The following CPM variants were observed in gnomAD, a reference collection of about 807,000 sequenced individuals.
The protein encoded by CPM is carboxypeptidase M.
Under a neutral mutation model 46.4 loss-of-function variants are expected in CPM, and 35 were observed. The ratio of observed to expected loss-of-function variants is 0.75; its 90% CI spans 0.58 to 1.00. The LOEUF is 1.00. Ranked by LOEUF, CPM falls within the 50% of genes least tolerant of loss-of-function variation. The probability of loss-of-function intolerance (pLI) is 0.00; values close to 1 mark genes in which losing one functional copy is unlikely to be tolerated. For synonymous variants in CPM, 195 were observed against 195.3 expected (o/e 1.00, Z 0.01); for missense variants, 422 against 530.4 (o/e 0.80, Z 2.01).
chr12:68,857,207 C>G (rs780403573), intron 8 of CPM, among the ~76,000 whole-genome samples: 2 of 151,106 alleles, frequency 1.3e-5, no homozygotes, highest in Non-Finnish European at 2.9e-5. Context: ...GTCACCCAGC[C>G]TGGAGTACAG....
Position 68,869,357 on chromosome 12 carries a change from A to G in CPM, c.755T>C (p.Val252Ala). Reference protein sequence around the residue: ...CKNKMNFPNGVTNGYSWYPLQ... With the variant: ...CKNKMNFPNGATNGYSWYPLQ... ...TGGATACCAAGAGTATCCATTTGTAACACCATTAGGAAAGTTCATTTTGTT... is the reference window on the plus strand; with the variant it reads ...TGGATACCAAGAGTATCCATTTGTAGCACCATTAGGAAAGTTCATTTTGTT... Residue 252 changes from valine (V) to alanine (A), a missense_variant, in exon 6 of 9, where the codon GTT (valine) becomes GCT (alanine). Transcript: ENST00000551568. The G allele has an allele frequency of 6.2e-7, 1 of 1,613,740 alleles. No homozygotes were observed. The highest frequency in any genetic ancestry group is 8.5e-7 in the Non-Finnish European group (1 of 1,179,926).
chr12:68,870,386 G>A lies in CPM; in HGVS notation c.445C>T (p.Gln149Ter). 6.2e-7 allele frequency: 1 copy of A among 1,613,602 alleles called. No individual in the cohort carries two copies. Among genetic ancestry groups the A allele is most frequent in the Non-Finnish European group, 8.5e-7 (1 of 1,179,750 alleles). The change falls in exon 5 of 9, where the codon CAG (glutamine) becomes TAG (stop). Residue 149 changes from glutamine to a stop codon, truncating the protein, a stop_gained. Coordinates refer to ENST00000551568, the MANE Select transcript of CPM (RefSeq NM_198320.5). LOFTEE classifies it high-confidence loss of function. The stretch of plus-strand genomic sequence containing the variant: ...GGGAAATTTCGATTCAAGTCATACT[G>A]GTTATAATTTTCCCTTTAAAAGAAA... ...YYSIGRENYN[Q>*]YDLNRNFPDA... is the part of the protein sequence containing the mutation.
At chr12:68,918,054 G>A (rs1565796570) in intron 2 of CPM, among the ~76,000 whole-genome samples, 1 of 152,096 alleles carries the variant, frequency 6.6e-6, no homozygotes, top group Non-Finnish European at 1.5e-5. Flanking sequence ...ATTCTATATT[G>A]AGTCGTGAGT....
At chr12:68,909,771 T>C (rs1450750557) in intron 2 of CPM, among the ~76,000 whole-genome samples, 3 of 138,556 alleles carry the variant, frequency 2.2e-5, no homozygotes, top group Non-Finnish European at 4.5e-5. Context: ...CACTCATAAG[T>C]AGGAGTTGAA....
chr12:68,874,391 G>A (rs1250380460), intron 3 of CPM, among the ~76,000 whole-genome samples: 2 of 151,822 alleles, frequency 1.3e-5, no homozygotes, highest in African/African-American at 4.8e-5. Flanking sequence ...CGAGGTGGGT[G>A]GATCACCCGA....
rs192498156 is a variant in CPM, at chr12:68,845,059, C to T, written c.534-2730G>A. ...CTGTGATTACAGGCGTGAGCCGCCA[C>T]GCCCAGCCTAATAAGGGTTTTAAAG... On this transcript the variant is annotated intron_variant, in intron 5 of 5. Transcript: ENST00000551897. The T allele has an allele frequency of 9.0e-5, 19 of 211,524 alleles. No homozygotes were observed. In the East Asian group the frequency reaches 9.2e-4, roughly 10 times the overall value. 13.1% of individuals were successfully genotyped at this position (211,524 alleles called of 1,614,324 possible).
In CPM at chr12:68,856,287, T is replaced by C. The variant is rs1171361854; in HGVS notation, c.*150A>G. ...CATTATCACCACATATTGCTTATTG[T>C]GGAATTTGGAAACATCCATTTCTCT... On this transcript the variant is annotated 3_prime_UTR_variant, in exon 9 of 9. Transcript: ENST00000551568. 4 of 865,160 alleles carry C rather than the reference T, an allele frequency of 4.6e-6. No homozygotes were observed. The highest frequency in any genetic ancestry group is 7.1e-6 in the Non-Finnish European group (4 of 560,312). The allele number at this position is 865,160 out of a possible 1,614,324, so 53.6% of individuals were successfully genotyped here.
At chr12:68,883,145 T>C (rs1886269462) in intron 3 of CPM, among the ~76,000 whole-genome samples, 1 of 152,110 alleles carries the variant, frequency 6.6e-6, no homozygotes, top group Non-Finnish European at 1.5e-5. Context: ...GTCCATAAAC[T>C]CCTAGGTAAT....
At chr12:68,922,940 A>AGACT (rs1888096230) in intron 2 of CPM, among the ~76,000 whole-genome samples, 1 of 152,154 alleles carries the variant, frequency 6.6e-6, no homozygotes, top group African/African-American at 2.4e-5. Flanking sequence ...TTAAAGAGAC[A>AGACT]GACTCTTGCT....
intron 8 of CPM, among the ~76,000 whole-genome samples, chr12:68,858,367 G>C (rs77607141): frequency 6.6e-6 from 1 of 151,982 alleles, no homozygotes; most frequent in Non-Finnish European, 1.5e-5. Context: ...TCCTGTCTTC[G>C]GATAAAATGA....
chr12:68,859,133 T>C, intron 7 of CPM, 62 bp from the exon 8 acceptor site: 1 of 931,268 alleles, frequency 1.1e-6, no homozygotes, highest in Non-Finnish European at 1.4e-6. Flanking sequence ...AAAATTATTA[T>C]AAATATTTAA....
chr12:68,932,599 C>T (rs770410231), intron 2 of CPM, 79 bp downstream of exon 2: 136 of 1,535,370 alleles, frequency 8.9e-5, no homozygotes, highest in Middle Eastern at 3.4e-4. Flanking sequence ...GAAGAGCAGA[C>T]AGGAAGCTGG....
intron 2 of CPM, among the ~76,000 whole-genome samples, chr12:68,909,809 GA>G (rs1238045270): frequency 8.3e-6 from 1 of 120,070 alleles, no homozygotes; most frequent in Non-Finnish European, 1.6e-5. Context: ...CACAGGGAGG[GA>G]AACATCACAC....
intron 2 of CPM, among the ~76,000 whole-genome samples, chr12:68,889,383 T>A (rs1335499618): frequency 6.6e-6 from 1 of 152,208 alleles, no homozygotes; most frequent in Non-Finnish European, 1.5e-5. Flanking sequence ...TTATGTAAAT[T>A]ATAGCATGTT....
At chr12:68,904,639 C>G (rs1887260800) in intron 2 of CPM, among the ~76,000 whole-genome samples, 1 of 152,154 alleles carries the variant, frequency 6.6e-6, no homozygotes, top group African/African-American at 2.4e-5. Context: ...ATTAGATGAG[C>G]TCTTGAAGAC....
rs73340449 is a variant in CPM, at chr12:68,908,309, C to G, written c.161-22420G>C. On this transcript the variant is annotated intron_variant, in intron 2 of 8. Coordinates refer to ENST00000551568, the MANE Select transcript of CPM (RefSeq NM_198320.5). ...GTATTTCCTAAGGTGCTGTAGGTAC[C>G]AGGATACAAGGCCAACCCGGGGCTA... Among the ~76,000 whole-genome samples the G allele has an allele frequency of 5.3e-3, 808 of 151,924 alleles. 5 individuals carry two copies. The highest frequency in any genetic ancestry group is 0.018 in the African/African-American group (765 of 41,414).
intron 2 of CPM, among the ~76,000 whole-genome samples, chr12:68,928,776 G>A (rs912262231): frequency 1.3e-5 from 2 of 150,060 alleles, no homozygotes; most frequent in African/African-American, 4.9e-5. Flanking sequence ...GTCTTGCTCT[G>A]TAGGCCAGGC....
chr12:68,886,372 C>A (rs967222591), intron 2 of CPM, among the ~76,000 whole-genome samples: 14 of 151,534 alleles, frequency 9.2e-5, no homozygotes, highest in Non-Finnish European at 1.8e-4. Flanking sequence ...GTGGCTCACG[C>A]CTGTAATCCC....
At chr12:68,893,622 G>C (rs990853803) in intron 2 of CPM, among the ~76,000 whole-genome samples, 6 of 152,192 alleles carry the variant, frequency 3.9e-5, no homozygotes, top group Non-Finnish European at 8.8e-5. Flanking sequence ...AGTCTACTTA[G>C]AGCCATGAGT....
Sources: gnomAD v4.1 joint callset for allele counts (sites outside exome capture counted in the v4.1 genomes callset) on GRCh38, gnomAD v4.1.1 for gene constraint, MANE v1.5 for transcripts, NCBI Gene and HGNC (gene_info 2026-07-23, HGNC 2026-07-21) for gene names.